The following UPP2 variants were observed in gnomAD, a reference collection of about 807,000 sequenced individuals.
The protein encoded by UPP2 is UPase 2.
UPP2 carries 23 observed loss-of-function variants against 26.7 expected under a neutral mutation model. The observed-to-expected ratio is 0.86, with a 90% CI of 0.62 to 1.22. The LOEUF (loss-of-function observed/expected upper bound fraction) is 1.22, where lower values mean the gene tolerates loss of function less well. UPP2 is among the 50% of genes most tolerant of loss of function. The pLI, the probability that UPP2 is intolerant of heterozygous loss-of-function variation, is 0.00. For synonymous variants in UPP2, 127 were observed against 141.3 expected (o/e 0.90, Z 0.72); for missense variants, 387 against 396.7 (o/e 0.98, Z 0.21).
chr2:158,019,639 AACACACACACACACACACACACAC>A (rs57149695), intron 3 of UPP2, among the ~76,000 whole-genome samples: 53 of 141,196 alleles, frequency 3.8e-4, no homozygotes, highest in African/African-American at 1.2e-3. Flanking sequence ...AATCCTTTAA[AACACACACACACACACACACACAC>A]ACACACACAC....
intron 3 of UPP2, among the ~76,000 whole-genome samples, chr2:158,057,493 A>G (rs942632264): frequency 1.3e-5 from 2 of 152,210 alleles, no homozygotes. Flanking sequence ...TTATTCTAGC[A>G]TTGCCAGTGA....
intron 3 of UPP2, among the ~76,000 whole-genome samples, chr2:158,033,938 T>A (rs1683963241): frequency 6.6e-6 from 1 of 151,580 alleles, no homozygotes; most frequent in African/African-American, 2.4e-5. Context: ...GACAACCAGA[T>A]GTTTTGAGAG....
chr2:158,106,339 C>T (rs750769475), intron 2 of UPP2, 123 bp downstream of exon 2: 50 of 741,312 alleles, frequency 6.7e-5, no homozygotes, highest in Non-Finnish European at 1.1e-4. Context: ...TGAAGTCACA[C>T]TCATTCTCTG....
chr2:158,076,912 T>G lies in UPP2; in HGVS notation c.148-25128T>G, dbSNP rs182649613. 9.9e-5 allele frequency among the ~76,000 whole-genome samples: 15 copies of G among 152,232 alleles called. No individual in the cohort carries two copies. In the East Asian group the frequency reaches 2.7e-3, roughly 27 times the overall value. On this transcript the variant is annotated intron_variant, in intron 3 of 9. Transcript: ENST00000605860. ...TTTGCAGATGATATGATCTTATATT[T>G]GGAAAAACCTAAAAACTCCACAAGG... is the stretch of plus-strand genomic sequence containing the variant.
chr2:158,079,245 C>T (rs1482100583), intron 3 of UPP2, among the ~76,000 whole-genome samples: 1 of 151,846 alleles, frequency 6.6e-6, no homozygotes, highest in Admixed American at 6.6e-5. Flanking sequence ...TAACACATAC[C>T]CCATAATATA....
chr2:158,014,033 G>A (rs887813980), intron 2 of UPP2, among the ~76,000 whole-genome samples: 1 of 152,198 alleles, frequency 6.6e-6, no homozygotes, highest in African/African-American at 2.4e-5. Context: ...GTTTAGGATT[G>A]AACTGCCCAC....
intron 3 of UPP2, among the ~76,000 whole-genome samples, chr2:158,117,528 C>G (rs544910958): frequency 8.6e-5 from 13 of 151,882 alleles, no homozygotes; most frequent in African/African-American, 2.9e-4. Context: ...GAAATGGCAC[C>G]GCCCTGACAC....
upstream of UPP2, among the ~76,000 whole-genome samples, chr2:158,101,643 G>A (rs1007379500): frequency 6.6e-6 from 1 of 152,184 alleles, no homozygotes; most frequent in Non-Finnish European, 1.5e-5. Flanking sequence ...AAGAGGACTC[G>A]TATCCATATA....
At chr2:158,053,579 CA>C (rs1682193134) in intron 3 of UPP2, among the ~76,000 whole-genome samples, 1 of 152,116 alleles carries the variant, frequency 6.6e-6, no homozygotes, top group Non-Finnish European at 1.5e-5. Flanking sequence ...GTAGAACAAG[CA>C]AATGGATGGA....
chr2:158,064,476 T>C lies in UPP2; in HGVS notation c.148-37564T>C, dbSNP rs7424774. The stretch of plus-strand genomic sequence containing the variant: ...CTTGTAAATTTAAGTTCTTTGTAGA[T>C]TGTGGATATTAACCCTTTGTCAGAT... On this transcript the variant is annotated intron_variant, in intron 3 of 9. Coordinates refer to the UPP2 transcript ENST00000605860. Among the ~76,000 whole-genome samples the C allele has an allele frequency of 4.4e-3, 673 of 151,458 alleles. 2 individuals are homozygous for C. Among genetic ancestry groups the C allele is most frequent in the African/African-American group, 0.015 (607 of 41,158 alleles).
upstream of UPP2, among the ~76,000 whole-genome samples, chr2:158,096,939 A>G (rs147091482): frequency 1.3e-3 from 201 of 152,234 alleles, 1 homozygote; most frequent in Middle Eastern, 6.8e-3. Flanking sequence ...AGGGAAGGAA[A>G]TGAGATTGGA....
chr2:158,009,410 C>G (rs1683542604), intron 2 of UPP2, among the ~76,000 whole-genome samples: 1 of 152,188 alleles, frequency 6.6e-6, no homozygotes, highest in South Asian at 2.1e-4. Context: ...GAAACCCTTA[C>G]ATAGACATCT....
rs748328980 is a variant in UPP2 at position 158,108,887 on chromosome 2, CGTGTGTGT to C, written c.180+2710_180+2717del. Among the ~76,000 whole-genome samples the C allele has an allele frequency of 8.0e-3, 1,067 of 133,114 alleles. 10 individuals are homozygous for C. Among genetic ancestry groups the C allele is most frequent in the Middle Eastern group, 0.043 (11 of 258 alleles). The allele number at this position is 133,114 out of a possible 152,430, so 87.3% of individuals were successfully genotyped here. A position where few individuals can be genotyped will look rare whatever the true frequency, so the allele number is the denominator to read the frequency against. ...CATTTTGATGAATAGGAGGCAAAAG[CGTGTGTGT>C]GTGTGTGTGTGTGTGTGTGTGTGTG... On this transcript the variant is annotated intron_variant, in intron 2 of 6. Transcript: ENST00000005756.
upstream of UPP2, among the ~76,000 whole-genome samples, chr2:158,098,222 G>A (rs1683017314): frequency 6.6e-6 from 1 of 152,126 alleles, no homozygotes; most frequent in South Asian, 2.1e-4. Context: ...AATGGTGCAA[G>A]AGGCAGGCCA....
chr2:158,037,610 G>C (rs1684024041), intron 3 of UPP2, among the ~76,000 whole-genome samples: 1 of 152,004 alleles, frequency 6.6e-6, no homozygotes, highest in Non-Finnish European at 1.5e-5. Context: ...CAGTCACAGG[G>C]ACTCCTTGGC....
At chr2:158,007,430 A>G (rs550251319) in intron 2 of UPP2, among the ~76,000 whole-genome samples, 171 of 152,008 alleles carry the variant, frequency 1.1e-3, no homozygotes, top group Non-Finnish European at 1.8e-3. Context: ...TGACTTCCCC[A>G]TAACAAATTG....
At chr2:158,018,096 T>C (rs6723729) in intron 3 of UPP2, among the ~76,000 whole-genome samples, 75,802 of 152,070 alleles carry the variant, frequency 0.5, 21,896 homozygotes, top group Admixed American at 0.69. Context: ...TGAAGACACA[T>C]AGAATAACTA....
intron 3 of UPP2, chr2:158,065,556 G>C (rs1292605540): frequency 3.9e-6 from 2 of 507,062 alleles, no homozygotes; most frequent in African/African-American, 2.0e-5. Context: ...TGGCTCAAAT[G>C]AACTGTCCAG....
chr2:158,022,980 TG>T (rs1284853379), intron 3 of UPP2, among the ~76,000 whole-genome samples: 1 of 152,090 alleles, frequency 6.6e-6, no homozygotes, highest in East Asian at 1.9e-4. Flanking sequence ...CAGTGGCACC[TG>T]GGGGCAATGA....
Sources: gnomAD v4.1 joint callset for allele counts (sites outside exome capture counted in the v4.1 genomes callset) on GRCh38, gnomAD v4.1.1 for gene constraint, MANE v1.5 for transcripts, NCBI Gene and HGNC (gene_info 2026-07-23, HGNC 2026-07-21) for gene names.